Variants in ANTXR2 observed in about 807,000 individuals in gnomAD.
ANTXR2 encodes the protein ANTXR cell adhesion molecule 2, also known as anthrax toxin receptor 2.
A neutral mutation model predicts 73.7 loss-of-function variants in ANTXR2; 44 were observed. That is an observed-to-expected ratio of 0.60 (90% CI 0.47 to 0.77). ANTXR2 has a LOEUF of 0.77. ANTXR2 is among the 30% of genes least tolerant of loss of function. The probability of loss-of-function intolerance (pLI) is 0.00; values close to 1 mark genes in which losing one functional copy is unlikely to be tolerated. For synonymous variants in ANTXR2, 217 were observed against 205.9 expected, an observed-to-expected ratio of 1.05 and a Z score of -0.46; for missense variants, 604 against 592.5, an observed-to-expected ratio of 1.02 and a Z score of -0.20.
intron 12 of ANTXR2, among the ~76,000 whole-genome samples, chr4:79,990,393 A>AAAAAC (rs1553930812): frequency 1.3e-5 from 2 of 150,576 alleles, no homozygotes; most frequent in Admixed American, 6.6e-5. Flanking sequence ...CAAAAAAAAA[A>AAAAAC]AAAAAAAAAC....
At chr4:80,071,142 C>T (rs143650942) in intron 2 of ANTXR2, among the ~76,000 whole-genome samples, 9 of 152,262 alleles carry the variant, frequency 5.9e-5, no homozygotes, top group African/African-American at 1.7e-4. Flanking sequence ...TTTCTGGTAG[C>T]GGGTTATTAA....
At chr4:79,977,442 G>T in intron 16 of ANTXR2, 179 bp downstream of exon 16, 1 of 1,250,588 alleles carries the variant, frequency 8.0e-7, no homozygotes, top group Non-Finnish European at 1.1e-6. Flanking sequence ...GTAGTTTGAA[G>T]ATGCATTCTA....
chr4:79,946,503 T>C (rs915484405), intron 16 of ANTXR2, among the ~76,000 whole-genome samples: 1 of 152,076 alleles, frequency 6.6e-6, no homozygotes, highest in East Asian at 1.9e-4. Flanking sequence ...ACCATTGCAA[T>C]CTCACATCAA....
intron 7 of ANTXR2, among the ~76,000 whole-genome samples, chr4:80,045,758 C>CA (rs968721709): frequency 1.3e-4 from 20 of 151,814 alleles, no homozygotes; most frequent in African/African-American, 4.6e-4. Flanking sequence ...GCAGCAAAAA[C>CA]AACTGGAAAG....
intron 16 of ANTXR2, among the ~76,000 whole-genome samples, chr4:79,927,848 A>G (rs1303871082): frequency 6.6e-6 from 1 of 152,226 alleles, no homozygotes; most frequent in Non-Finnish European, 1.5e-5. Context: ...CAAGAAAAAA[A>G]TAAAGAAAAT....
In ANTXR2 at chr4:80,057,266, CACA is replaced by C. The variant is rs578041253; in HGVS notation, c.297-1256_297-1254del. On this transcript the variant is annotated intron_variant, in intron 3 of 16. Transcript: ENST00000403729. ...CATCAAGGAACTTACTGGGGCCATACACAACATTTATATAGGTACATGTGTGTA... is the reference window on the plus strand; with the variant it reads ...CATCAAGGAACTTACTGGGGCCATACACATTTATATAGGTACATGTGTGTA... 7.2e-5 allele frequency among the ~76,000 whole-genome samples: 11 copies of C among 152,064 alleles called. No individual in the cohort carries two copies. In the South Asian group the frequency reaches 2.1e-3, roughly 29 times the overall value.
In ANTXR2 at chr4:80,071,581, A is replaced by G; in HGVS notation, c.224+2T>C. 3 of 1,608,308 alleles carry G rather than the reference A, an allele frequency of 1.9e-6. No individual in the cohort carries two copies. Among genetic ancestry groups the G allele is most frequent in the Non-Finnish European group, 2.6e-6 (3 of 1,174,754 alleles). ...CCTAGAAAAGTAAAGTAAGAAAGAT[A>G]CCTCACAAATCTCTCCGCAAGTTGC... is the stretch of plus-strand genomic sequence containing the variant. On this transcript the variant is annotated splice_donor_variant, in intron 2 of 16. Coordinates refer to ENST00000403729, the MANE Select transcript of ANTXR2 (RefSeq NM_058172.6). LOFTEE classifies it high-confidence loss of function.
chr4:80,038,196 G>T lies in ANTXR2; in HGVS notation c.637-2164C>A, dbSNP rs186459390. Among the ~76,000 whole-genome samples the T allele has an allele frequency of 7.2e-3, 1,100 of 152,146 alleles. 6 individuals carry two copies. Among genetic ancestry groups the T allele is most frequent in the Middle Eastern group, 0.017 (5 of 294 alleles). ...GATCATGTCAAAAAACATGCATCCG[G>T]AATGACTTCAGTGAATTTGTAACTT... On this transcript the variant is annotated intron_variant, in intron 7 of 16. Transcript: ENST00000403729.
At chr4:80,006,527 T>C (rs1731308629) in intron 12 of ANTXR2, among the ~76,000 whole-genome samples, 2 of 152,106 alleles carry the variant, frequency 1.3e-5, no homozygotes, top group Admixed American at 6.6e-5. Context: ...TTAAATAAGT[T>C]CAGGAAATTA....
At chr4:80,026,095 G>A (rs533525624) in intron 10 of ANTXR2, among the ~76,000 whole-genome samples, 1 of 152,258 alleles carries the variant, frequency 6.6e-6, no homozygotes, top group East Asian at 1.9e-4. Context: ...GAGTCTTAGT[G>A]ATATGGTTTT....
In ANTXR2 at chr4:80,073,001, G is replaced by A. The variant is rs778888047; in HGVS notation, c.-441C>T. On this transcript the variant is annotated 5_prime_UTR_variant, in exon 1 of 17. Transcript: ENST00000403729. ...CGCTGCCGTGCGCTTCGGGACAAGG[G>A]GTCCCTGGGACGCGGCGACGGCAGA... is the stretch of plus-strand genomic sequence containing the variant. 30 of 159,284 alleles carry A rather than the reference G, an allele frequency of 1.9e-4. No individual in the cohort carries two copies. The highest frequency in any genetic ancestry group is 3.8e-4 in the South Asian group (2 of 5,258). 9.9% of individuals were successfully genotyped at this position (159,284 alleles called of 1,614,324 possible).
chr4:80,057,401 C>T (rs1309150770), intron 3 of ANTXR2, among the ~76,000 whole-genome samples: 1 of 151,932 alleles, frequency 6.6e-6, no homozygotes, highest in African/African-American at 2.4e-5. Flanking sequence ...AATCCATTCA[C>T]CAGAGCCTTA....
At chr4:80,055,511 C>T (rs1256615561) in intron 4 of ANTXR2, 44 bp from the exon 5 acceptor site, 2 of 1,489,932 alleles carry the variant, frequency 1.3e-6, no homozygotes, top group African/African-American at 1.4e-5. Flanking sequence ...TTAATTTTAA[C>T]TTTTAACCAG....
intron 16 of ANTXR2, among the ~76,000 whole-genome samples, chr4:79,932,891 A>C (rs1220998240): frequency 1.3e-5 from 2 of 151,832 alleles, no homozygotes; most frequent in Non-Finnish European, 2.9e-5. Flanking sequence ...TAGCAACTAC[A>C]TTGCAGAAAG....
At chr4:80,071,397 T>C in intron 2 of ANTXR2, among the ~76,000 whole-genome samples, 186 bp downstream of exon 2, 1 of 152,146 alleles carries the variant, frequency 6.6e-6, no homozygotes, top group East Asian at 1.9e-4. Context: ...GTTTCTGGGA[T>C]CCAGATGAAA....
At chr4:80,044,887 A>G (rs1560420503) in intron 7 of ANTXR2, among the ~76,000 whole-genome samples, 1 of 151,894 alleles carries the variant, frequency 6.6e-6, no homozygotes, top group Non-Finnish European at 1.5e-5. Flanking sequence ...TGTTTATTCT[A>G]TTTAATTAAA....
At chr4:80,068,833 T>C (rs1370052265) in intron 3 of ANTXR2, among the ~76,000 whole-genome samples, 1 of 152,156 alleles carries the variant, frequency 6.6e-6, no homozygotes, top group African/African-American at 2.4e-5. Flanking sequence ...TGACACTGTT[T>C]GAATGACACA....
chr4:79,927,256 T>C (rs930551303), intron 16 of ANTXR2, among the ~76,000 whole-genome samples: 3 of 150,828 alleles, frequency 2.0e-5, no homozygotes, highest in Non-Finnish European at 4.4e-5. Flanking sequence ...TATCATATAT[T>C]GGAAATTAGC....
Position 79,984,804 on chromosome 4 carries a change from T to C in ANTXR2, c.1086+15A>G, listed in dbSNP as rs765070793. 2 of 1,603,912 alleles carry C rather than the reference T, an allele frequency of 1.2e-6. No individual in the cohort carries two copies. The highest frequency in any genetic ancestry group is 1.7e-6 in the Non-Finnish European group (2 of 1,173,384). ...AAAAAAAACAGCCATATCAGTTTTT[T>C]AGGCACTCACTTACCTCTTTTGGTG... On this transcript the variant is annotated intron_variant, in intron 13 of 16. Coordinates refer to ENST00000403729, the MANE Select transcript of ANTXR2 (RefSeq NM_058172.6).
Sources: allele counts gnomAD v4.1 joint callset (sites outside exome capture counted in the v4.1 genomes callset), GRCh38; gene constraint gnomAD v4.1.1; transcripts MANE v1.5; gene names NCBI Gene and HGNC (gene_info 2026-07-23, HGNC 2026-07-21).